The following PITPNC1 variants were observed in gnomAD, a reference collection of about 807,000 sequenced individuals.
PITPNC1 encodes phosphatidylinositol transfer protein cytoplasmic 1, also known as cytoplasmic phosphatidylinositol transfer protein 1.
PITPNC1 carries 18 observed loss-of-function variants against 44.7 expected under a neutral mutation model. The ratio of observed to expected loss-of-function variants is 0.40; its 90% CI spans 0.28 to 0.60. The LOEUF (loss-of-function observed/expected upper bound fraction) is 0.60, where lower values mean the gene tolerates loss of function less well. PITPNC1 is among the 20% of genes least tolerant of loss of function. The pLI, the probability that PITPNC1 is intolerant of heterozygous loss-of-function variation, is 0.39. For missense variants in PITPNC1, 290 were observed against 418.4 expected, an observed-to-expected ratio of 0.69 and a Z score of 2.68; for synonymous variants, 141 against 149.6, an observed-to-expected ratio of 0.94 and a Z score of 0.42.
chr17:67,467,518 G>C (rs1341672783), intron 1 of PITPNC1, among the ~76,000 whole-genome samples: 1 of 152,134 alleles, frequency 6.6e-6, no homozygotes, highest in Non-Finnish European at 1.5e-5. Flanking sequence ...AAGTGGCCTT[G>C]CTTGGTGATT....
intron 4 of PITPNC1, among the ~76,000 whole-genome samples, chr17:67,575,518 G>T: frequency 6.6e-6 from 1 of 152,184 alleles, no homozygotes; most frequent in Non-Finnish European, 1.5e-5. Context: ...ACGCGTCCTG[G>T]CATGTGATGT....
intron 1 of PITPNC1, among the ~76,000 whole-genome samples, chr17:67,512,500 CAAAAAAAAAA>C (rs1006177232): frequency 1.7e-5 from 1 of 59,706 alleles, no homozygotes; most frequent in African/African-American, 6.6e-5. Flanking sequence ...GACTGTGTCT[CAAAAAAAAAA>C]AAAAAAAAAA....
chr17:67,589,789 G>A (rs1309402440), intron 5 of PITPNC1, among the ~76,000 whole-genome samples: 1 of 152,042 alleles, frequency 6.6e-6, no homozygotes, highest in Non-Finnish European at 1.5e-5. Context: ...CCAACATGGT[G>A]AAACCCCATC....
chr17:67,406,101 T>G (rs1294039561), intron 1 of PITPNC1, among the ~76,000 whole-genome samples: 1 of 152,246 alleles, frequency 6.6e-6, no homozygotes, highest in African/African-American at 2.4e-5. Flanking sequence ...CTTAAGGTTA[T>G]GCACCCATCA....
At chr17:67,692,411 A>G (rs558669796) in intron 8 of PITPNC1, among the ~76,000 whole-genome samples, 161 bp from the exon 9 acceptor site, 2 of 152,280 alleles carry the variant, frequency 1.3e-5, no homozygotes, top group African/African-American at 4.8e-5. Flanking sequence ...AATAGAAAAA[A>G]TTGGGGGTTT....
intron 2 of PITPNC1, among the ~76,000 whole-genome samples, chr17:67,544,701 C>CT (rs138945072): frequency 0.023 from 3,504 of 152,346 alleles, 92 homozygotes; most frequent in East Asian, 0.1. Flanking sequence ...GTCATGAACT[C>CT]TTTTTTAACT....
intron 4 of PITPNC1, among the ~76,000 whole-genome samples, chr17:67,575,850 C>CCT (rs2041138327): frequency 2.2e-5 from 2 of 89,668 alleles, no homozygotes; most frequent in Non-Finnish European, 4.1e-5. Flanking sequence ...TTCTTTCTTT[C>CCT]TTTCTTTCCT....
intron 1 of PITPNC1, among the ~76,000 whole-genome samples, chr17:67,439,762 A>T (rs1003888345): frequency 6.6e-6 from 1 of 152,180 alleles, no homozygotes; most frequent in African/African-American, 2.4e-5. Context: ...TTCTTTTTTA[A>T]GTATGCTTAA....
intron 8 of PITPNC1, among the ~76,000 whole-genome samples, chr17:67,689,955 G>A (rs2042889820): frequency 6.6e-6 from 1 of 151,966 alleles, no homozygotes; most frequent in South Asian, 2.1e-4. Context: ...AGTCTTCCAT[G>A]TTTTTAAAAA....
chr17:67,572,699 A>G (rs963985052), intron 4 of PITPNC1, among the ~76,000 whole-genome samples: 2 of 150,924 alleles, frequency 1.3e-5, no homozygotes, highest in South Asian at 2.1e-4. Context: ...GGTACTTGAG[A>G]TGGTCTTTGA....
chr17:67,593,486 C>T (rs1316996301), intron 5 of PITPNC1, among the ~76,000 whole-genome samples: 4 of 151,964 alleles, frequency 2.6e-5, no homozygotes, highest in Non-Finnish European at 2.9e-5. Flanking sequence ...TGAACCTCTG[C>T]CTCCAGGGTT....
chr17:67,557,680 T>G (rs1187217808), intron 4 of PITPNC1, among the ~76,000 whole-genome samples: 1 of 152,234 alleles, frequency 6.6e-6, no homozygotes, highest in African/African-American at 2.4e-5. Flanking sequence ...TTCAGCCGTG[T>G]TCTCACGCTC....
intron 1 of PITPNC1, among the ~76,000 whole-genome samples, chr17:67,470,578 G>GT (rs911932383): frequency 1.3e-5 from 2 of 151,990 alleles, no homozygotes; most frequent in Non-Finnish European, 1.5e-5. Context: ...GAGGGAGGTG[G>GT]GGGGGGTCAG....
In PITPNC1 at chr17:67,555,583, T is replaced by C. The variant is rs563473889; in HGVS notation, c.294+1966T>C. Among the ~76,000 whole-genome samples, 6 of 151,788 alleles carry C rather than the reference T, an allele frequency of 4.0e-5. No individual in the cohort carries two copies. The South Asian group carries it at 1.2e-3, about 32-fold the overall frequency. On this transcript the variant is annotated intron_variant, in intron 4 of 8. Coordinates refer to ENST00000581322, the MANE Select transcript of PITPNC1 (RefSeq NM_012417.4). ...GGCTCACACCTGTAATCCCAGCACT[T>C]TGGGAGGCCGAGGCAGGTGGATCAC...
chr17:67,571,797 ACTCT>A (rs2041061003), intron 4 of PITPNC1, among the ~76,000 whole-genome samples: 1 of 152,096 alleles, frequency 6.6e-6, no homozygotes, highest in African/African-American at 2.4e-5. Flanking sequence ...TCTTGTATAC[ACTCT>A]CAGGAGTGAC....
chr17:67,527,567 G>T (rs1345410052), intron 1 of PITPNC1, among the ~76,000 whole-genome samples: 1 of 152,182 alleles, frequency 6.6e-6, no homozygotes. Context: ...GCTGGGTGTG[G>T]TGGTGGGCGC....
chr17:67,632,205 T>A lies in PITPNC1; in HGVS notation c.429T>A (p.Asp143Glu), dbSNP rs1052699071. 1 of 1,612,388 alleles carries A rather than the reference T, an allele frequency of 6.2e-7. No homozygotes were observed. The highest frequency in any genetic ancestry group is 1.7e-5 in the Admixed American group (1 of 60,014). ...REVCFIDIAC[D>E]EIPERYYKES... is the part of the protein sequence containing the mutation. ...TTTGCTTTATTGATATTGCCTGCGA[T>A]GAAATTCCAGAGCGCTACTACAAAG... Residue 143 changes from aspartate (D) to glutamate (E), a missense_variant, in exon 6 of 9, where the codon GAT (aspartate) becomes GAA (glutamate). Coordinates refer to ENST00000581322, the MANE Select transcript of PITPNC1 (RefSeq NM_012417.4).
intron 5 of PITPNC1, among the ~76,000 whole-genome samples, chr17:67,622,256 C>CAAAAAA (rs536282843): frequency 6.5e-5 from 6 of 91,738 alleles, no homozygotes; most frequent in African/African-American, 1.5e-4. Flanking sequence ...GACTGCATCT[C>CAAAAAA]AAAAAAAAAA....
At chr17:67,478,812 C>G (rs1280807991) in intron 1 of PITPNC1, among the ~76,000 whole-genome samples, 1 of 152,102 alleles carries the variant, frequency 6.6e-6, no homozygotes, top group Non-Finnish European at 1.5e-5. Flanking sequence ...AGCAAGAAGA[C>G]TTGGCCAATG....
Sources: allele counts gnomAD v4.1 joint callset (sites outside exome capture counted in the v4.1 genomes callset), GRCh38; gene constraint gnomAD v4.1.1; transcripts MANE v1.5; gene names NCBI Gene and HGNC (gene_info 2026-07-23, HGNC 2026-07-21).